DNMBP: variants seen among roughly 807,000 people sequenced by gnomAD.
The protein encoded by DNMBP is dynamin binding protein, also known as dynamin-binding protein.
In DNMBP, 87 loss-of-function variants were observed where a neutral mutation model predicts 150.0. The ratio of observed to expected loss-of-function variants is 0.58; its 90% confidence interval spans 0.49 to 0.69. The LOEUF is 0.69. Ranked by LOEUF, DNMBP falls within the 30% of genes least tolerant of loss-of-function variation. The pLI, the probability that DNMBP is intolerant of heterozygous loss-of-function variation, is 0.00. For missense variants in DNMBP, 1,774 were observed against 1,949.0 expected, an observed-to-expected ratio of 0.91 and a Z score of 1.69; for synonymous variants, 711 against 750.4, an observed-to-expected ratio of 0.95 and a Z score of 0.86.
chr10:99,891,741 C>T (rs1223041218), intron 11 of DNMBP, among the ~76,000 whole-genome samples: 2 of 144,378 alleles, frequency 1.4e-5, no homozygotes, highest in African/African-American at 2.8e-5. Flanking sequence ...CACCTCTTCC[C>T]GGCCGCCATC....
intron 11 of DNMBP, among the ~76,000 whole-genome samples, chr10:99,892,057 C>T (rs528334442): frequency 3.6e-5 from 5 of 137,412 alleles, no homozygotes; most frequent in Non-Finnish European, 7.6e-5. Context: ...GGGGTCAGCT[C>T]CCCGCCCGGC....
At chr10:99,967,700 G>GTGT (rs1564749488) in intron 3 of DNMBP, among the ~76,000 whole-genome samples, 202 of 114,648 alleles carry the variant, frequency 1.8e-3, no homozygotes, top group Non-Finnish European at 1.7e-3. Flanking sequence ...TGTGTGTGTG[G>GTGT]GTATGTGTGT....
chr10:99,924,422 G>A (rs2040056460), intron 4 of DNMBP, among the ~76,000 whole-genome samples: 2 of 152,148 alleles, frequency 1.3e-5, no homozygotes, highest in East Asian at 1.9e-4. Flanking sequence ...CAGCCCGGGC[G>A]ACAGAGCGAG....
intron 1 of DNMBP, among the ~76,000 whole-genome samples, chr10:99,998,096 G>C (rs1361207272): frequency 6.6e-6 from 1 of 151,410 alleles, no homozygotes; most frequent in Admixed American, 6.6e-5. Context: ...TTAGCCAGGC[G>C]TGGTGGCGCA....
intron 4 of DNMBP, among the ~76,000 whole-genome samples, chr10:99,929,120 G>T (rs940111060): frequency 1.3e-5 from 2 of 152,044 alleles, no homozygotes; most frequent in South Asian, 4.1e-4. Flanking sequence ...CTCCAGCCAG[G>T]GGGACAGAAT....
intron 9 of DNMBP, among the ~76,000 whole-genome samples, chr10:99,896,979 T>C (rs1359915908): frequency 6.6e-6 from 1 of 152,132 alleles, no homozygotes; most frequent in African/African-American, 2.4e-5. Flanking sequence ...ATTAGGAGAT[T>C]TGAACCAAGG....
intron 4 of DNMBP, among the ~76,000 whole-genome samples, chr10:99,919,080 C>T (rs914303902): frequency 3.9e-5 from 6 of 152,172 alleles, no homozygotes; most frequent in African/African-American, 1.4e-4. Flanking sequence ...TTTACCAAGG[C>T]TCTTGAGGCA....
At chr10:100,003,986 C>T (rs1360897970) in intron 1 of DNMBP, among the ~76,000 whole-genome samples, 1 of 151,646 alleles carries the variant, frequency 6.6e-6, no homozygotes, top group African/African-American at 2.4e-5. Flanking sequence ...AATCCAAGCA[C>T]TTTGGGAGGC....
In DNMBP at chr10:100,008,401, G is replaced by A. The variant is rs1012682009; in HGVS notation, c.-11+1437C>T. On this transcript the variant is annotated intron_variant, in intron 1 of 16. Coordinates refer to ENST00000324109, the MANE Select transcript of DNMBP (RefSeq NM_015221.4). ...GTTATCAGTGCACTGCACGAACCCC[G>A]TTCCCAAGCCAGACTTGAGCTACTC... Among the ~76,000 whole-genome samples, 6 of 152,142 alleles carry A rather than the reference G, an allele frequency of 3.9e-5. No individual in the cohort carries two copies. The East Asian group carries it at 9.6e-4, about 24-fold the overall frequency.
rs912642577 is a variant in DNMBP, at chr10:99,968,235, G to A, written c.268+880C>T. Reference sequence around the variant, plus strand: ...CTCTGATAAGACAGTAGTAAAATGCGGATGTTTTGCACCTATCTCTTAATT... The same window carrying A: ...CTCTGATAAGACAGTAGTAAAATGCAGATGTTTTGCACCTATCTCTTAATT... On this transcript the variant is annotated intron_variant, in intron 3 of 16. Coordinates refer to ENST00000324109, the MANE Select transcript of DNMBP (RefSeq NM_015221.4). Among the ~76,000 whole-genome samples the A allele has an allele frequency of 5.3e-5, 8 of 152,146 alleles. No homozygotes were observed. In the South Asian group the frequency reaches 1.5e-3, roughly 28 times the overall value.
chr10:99,921,864 G>GGAA (rs756250016), intron 4 of DNMBP, among the ~76,000 whole-genome samples: 1 of 23,746 alleles, frequency 4.2e-5, no homozygotes, highest in African/African-American at 1.8e-4. Context: ...GATTCCATCT[G>GGAA]AAAAAAAAAA....
intron 4 of DNMBP, among the ~76,000 whole-genome samples, chr10:99,950,063 G>A (rs527686679): frequency 9.2e-5 from 14 of 152,274 alleles, no homozygotes; most frequent in African/African-American, 2.9e-4. Flanking sequence ...TACGTGTTGT[G>A]GGAGGGACCT....
chr10:100,009,738 C>A (rs956202301), intron 1 of DNMBP, 100 bp downstream of exon 1: 3 of 150,654 alleles, frequency 2.0e-5, no homozygotes, highest in African/African-American at 7.3e-5. Context: ...CGGCGCGGCG[C>A]GTCTCTCGGG....
Position 99,877,091 on chromosome 10 carries a change from C to CGTGTCATTT in DNMBP, c.*59_*60insAAATGACAC. 1 of 1,485,892 alleles carries CGTGTCATTT rather than the reference C, an allele frequency of 6.7e-7. No homozygotes were observed. The highest frequency in any genetic ancestry group is 9.0e-7 in the Non-Finnish European group (1 of 1,110,290). The allele number at this position is 1,485,892 out of a possible 1,614,324, so 92.0% of individuals were successfully genotyped here. On this transcript the variant is annotated 3_prime_UTR_variant, in exon 17 of 17. Coordinates refer to ENST00000324109, the MANE Select transcript of DNMBP (RefSeq NM_015221.4). ...GAGCAGGCGCCCTCTCGGTGGGCCG[C>CGTGTCATTT]CAGAACCCTCGGCGGACTGAAAGCA... is the stretch of plus-strand genomic sequence containing the variant.
chr10:99,939,950 C>G (rs148898566), intron 4 of DNMBP, among the ~76,000 whole-genome samples: 11 of 152,322 alleles, frequency 7.2e-5, no homozygotes, highest in African/African-American at 2.6e-4. Flanking sequence ...AACCAATCAG[C>G]AGCACCCATT....
chr10:99,928,464 G>A (rs540307543), intron 4 of DNMBP, among the ~76,000 whole-genome samples: 1 of 152,284 alleles, frequency 6.6e-6, no homozygotes, highest in East Asian at 1.9e-4. Context: ...GAACCAGAAA[G>A]GCCGTTTGGC....
rs796177770 is a variant in DNMBP, at chr10:99,987,154, C to CAA, written c.-10-15022_-10-15021dup. Among the ~76,000 whole-genome samples, 1,168 of 121,884 alleles carry CAA rather than the reference C, an allele frequency of 9.6e-3. 19 individuals are homozygous for CAA. Among genetic ancestry groups the CAA allele is most frequent in the African/African-American group, 0.031 (1,040 of 33,552 alleles). 80.0% of individuals were successfully genotyped at this position (121,884 alleles called of 152,430 possible). ...TGGGCGACAGAGCAAGACTCCATCT[C>CAA]AAAAAAAAAAAAAAAGAAATCTCTA... is the stretch of plus-strand genomic sequence containing the variant. On this transcript the variant is annotated intron_variant, in intron 1 of 16. Transcript: ENST00000324109.
intron 4 of DNMBP, among the ~76,000 whole-genome samples, chr10:99,954,562 T>A (rs1365785105): frequency 6.7e-6 from 1 of 149,594 alleles, no homozygotes; most frequent in African/African-American, 2.5e-5. Context: ...CTGACCAACA[T>A]GGAGAATTCC....
chr10:99,920,010 T>G (rs1449451700), intron 4 of DNMBP, among the ~76,000 whole-genome samples: 1 of 152,098 alleles, frequency 6.6e-6, no homozygotes, highest in African/African-American at 2.4e-5. Context: ...ACTTAGGTAG[T>G]AAGTGTTTAG....
Sources: gnomAD v4.1 joint callset for allele counts (sites outside exome capture counted in the v4.1 genomes callset) on GRCh38, gnomAD v4.1.1 for gene constraint, MANE v1.5 for transcripts, NCBI Gene and HGNC (gene_info 2026-07-23, HGNC 2026-07-21) for gene names.